Variants in PLXDC2 observed in about 807,000 individuals in gnomAD.
PLXDC2 encodes plexin domain containing 2.
PLXDC2 carries 40 observed loss-of-function variants against 68.9 expected under a neutral mutation model. The ratio of observed to expected loss-of-function variants is 0.58; its 90% CI spans 0.45 to 0.76. PLXDC2 has a LOEUF of 0.76. PLXDC2 is among the 30% of genes least tolerant of loss of function. PLXDC2 has a pLI of 0.00. For synonymous variants in PLXDC2, 243 were observed against 234.2 expected, an observed-to-expected ratio of 1.04 and a Z score of -0.34; for missense variants, 644 against 661.9, an observed-to-expected ratio of 0.97 and a Z score of 0.30.
chr10:20,038,027 G>A (rs112202478), intron 2 of PLXDC2, among the ~76,000 whole-genome samples: 2 of 152,086 alleles, frequency 1.3e-5, no homozygotes, highest in East Asian at 1.9e-4. Context: ...GGCGGATGAC[G>A]AGGTCAGGAG....
At chr10:20,135,584 G>A (rs985449500) in intron 4 of PLXDC2, among the ~76,000 whole-genome samples, 5 of 152,142 alleles carry the variant, frequency 3.3e-5, no homozygotes, top group African/African-American at 1.2e-4. Flanking sequence ...GCTTTTGTTT[G>A]TTTGTTTGTT....
chr10:19,929,182 C>T (rs1463687266), intron 1 of PLXDC2, among the ~76,000 whole-genome samples: 2 of 151,754 alleles, frequency 1.3e-5, no homozygotes, highest in East Asian at 2.0e-4. Flanking sequence ...AGTTCAACAC[C>T]AGCCTGGCCA....
intron 4 of PLXDC2, among the ~76,000 whole-genome samples, chr10:20,138,667 C>T (rs1260548268): frequency 6.6e-6 from 1 of 152,182 alleles, no homozygotes; most frequent in Non-Finnish European, 1.5e-5. Flanking sequence ...AATCCCAGCA[C>T]TTTGGGAGGC....
chr10:20,112,338 G>GAAAAA (rs5783718), intron 4 of PLXDC2, among the ~76,000 whole-genome samples: 2 of 131,430 alleles, frequency 1.5e-5, no homozygotes, highest in Non-Finnish European at 3.3e-5. Flanking sequence ...ATAGGAAAAT[G>GAAAAA]AAAAAAAAAA....
At chr10:19,949,871 G>C (rs1299371328) in intron 1 of PLXDC2, among the ~76,000 whole-genome samples, 2 of 152,162 alleles carry the variant, frequency 1.3e-5, no homozygotes, top group African/African-American at 4.8e-5. Context: ...AAGATGTACT[G>C]ATCATTTTAT....
chr10:20,180,329 A>G (rs1379277400), intron 9 of PLXDC2, among the ~76,000 whole-genome samples: 2 of 152,080 alleles, frequency 1.3e-5, no homozygotes, highest in African/African-American at 4.8e-5. Flanking sequence ...TCAGCAACCC[A>G]GTTATATACA....
chr10:19,839,200 A>G (rs2131316267), intron 1 of PLXDC2, among the ~76,000 whole-genome samples: 1 of 152,030 alleles, frequency 6.6e-6, no homozygotes, highest in East Asian at 1.9e-4. Context: ...AAAAAAAAAA[A>G]AAAAAGTTAC....
chr10:20,189,476 C>CATAT (rs59999548), intron 9 of PLXDC2, among the ~76,000 whole-genome samples: 19,446 of 75,614 alleles, frequency 0.26, 2,824 homozygotes, highest in Middle Eastern at 0.34. Flanking sequence ...AAAGGTAGGC[C>CATAT]ATATATATAT....
At chr10:20,223,808 G>T (rs1382189036) in intron 12 of PLXDC2, among the ~76,000 whole-genome samples, 1 of 151,956 alleles carries the variant, frequency 6.6e-6, no homozygotes, top group Non-Finnish European at 1.5e-5. Context: ...TAATTCTCTT[G>T]TGTGTTTCAG....
At chr10:19,905,127 C>G (rs1833130557) in intron 1 of PLXDC2, among the ~76,000 whole-genome samples, 1 of 152,204 alleles carries the variant, frequency 6.6e-6, no homozygotes, top group African/African-American at 2.4e-5. Flanking sequence ...GAAACAGAAC[C>G]TCGTGTGCTC....
intron 1 of PLXDC2, among the ~76,000 whole-genome samples, chr10:19,843,915 G>A (rs56324251): frequency 0.22 from 32,793 of 152,074 alleles, 5,504 homozygotes; most frequent in African/African-American, 0.47. Context: ...TCAAATAGCT[G>A]GAAGAGAGGA....
chr10:20,094,373 A>G (rs969584040), intron 4 of PLXDC2, among the ~76,000 whole-genome samples: 2 of 152,206 alleles, frequency 1.3e-5, no homozygotes, highest in African/African-American at 4.8e-5. Flanking sequence ...GCCTAAGGTC[A>G]CACAGAGAGT....
intron 1 of PLXDC2, among the ~76,000 whole-genome samples, chr10:19,860,292 T>A (rs425859): frequency 6.6e-6 from 1 of 151,482 alleles, no homozygotes; most frequent in Non-Finnish European, 1.5e-5. Flanking sequence ...CTTGGCAGAA[T>A]GAGTTAAGAG....
At chr10:20,219,572 A>G (rs1184526084) in intron 12 of PLXDC2, among the ~76,000 whole-genome samples, 2 of 152,318 alleles carry the variant, frequency 1.3e-5, no homozygotes, top group East Asian at 1.9e-4. Context: ...CTGAAAGAAT[A>G]TCTTGTTGGT....
intron 1 of PLXDC2, among the ~76,000 whole-genome samples, chr10:19,829,154 CTTTT>C (rs71388870): frequency 2.1e-5 from 2 of 94,418 alleles, no homozygotes; most frequent in Non-Finnish European, 3.9e-5. Context: ...ACGCTTTCCT[CTTTT>C]TTTTTTTTTT....
chr10:19,879,824 A>T (rs1299152968), intron 1 of PLXDC2, among the ~76,000 whole-genome samples: 1 of 152,200 alleles, frequency 6.6e-6, no homozygotes, highest in Non-Finnish European at 1.5e-5. Flanking sequence ...TTTTGTGGTC[A>T]GTGAGTTGAT....
intron 13 of PLXDC2, among the ~76,000 whole-genome samples, chr10:20,274,965 T>C (rs1835987587): frequency 6.6e-6 from 1 of 152,144 alleles, no homozygotes; most frequent in Non-Finnish European, 1.5e-5. Flanking sequence ...GGTGTGTCAT[T>C]TATTTGCTAA....
chr10:20,107,896 A>G (rs1833512165), intron 4 of PLXDC2, among the ~76,000 whole-genome samples: 1 of 152,182 alleles, frequency 6.6e-6, no homozygotes, highest in Non-Finnish European at 1.5e-5. Context: ...AAATTAACAA[A>G]TAAACCTAGA....
At chr10:20,126,200 T>TAC (rs199898332) in intron 4 of PLXDC2, among the ~76,000 whole-genome samples, 1 of 146,014 alleles carries the variant, frequency 6.8e-6, no homozygotes, top group Non-Finnish European at 1.5e-5. Flanking sequence ...CATATATGTA[T>TAC]ACACACACAT....
Sources: allele counts gnomAD v4.1 joint callset (sites outside exome capture counted in the v4.1 genomes callset), GRCh38; gene constraint gnomAD v4.1.1; transcripts MANE v1.5; gene names NCBI Gene and HGNC (gene_info 2026-07-23, HGNC 2026-07-21).